Variants in PTPRD observed in about 807,000 individuals in gnomAD.
PTPRD encodes receptor-type tyrosine-protein phosphatase delta.
A neutral mutation model predicts 214.5 loss-of-function variants in PTPRD; 34 were observed. The observed-to-expected ratio is 0.16, with a 90% CI of 0.12 to 0.21. The LOEUF is 0.21. Among genes scored for constraint, PTPRD ranks in the 10% least tolerant of loss-of-function variants. The pLI is 1.00. For missense variants in PTPRD, 2,545 were observed against 2,398.7 expected, an observed-to-expected ratio of 1.06 and a Z score of -1.27; for synonymous variants, 1,128 against 845.7, an observed-to-expected ratio of 1.33 and a Z score of -5.79.
intron 5 of PTPRD, among the ~76,000 whole-genome samples, chr9:9,775,008 T>G (rs974807236): frequency 1.3e-5 from 2 of 152,158 alleles, no homozygotes; most frequent in Non-Finnish European, 2.9e-5. Flanking sequence ...AAATGTAGCA[T>G]TAGTACCTGA....
chr9:9,981,323 G>A (rs10759119), intron 4 of PTPRD, among the ~76,000 whole-genome samples: 111,547 of 150,314 alleles, frequency 0.74, 42,097 homozygotes, highest in Middle Eastern at 0.88. Flanking sequence ...TAACATGTAG[G>A]TAAATTTAAA....
chr9:10,257,313 A>C (rs771750510), intron 3 of PTPRD, among the ~76,000 whole-genome samples: 1 of 152,160 alleles, frequency 6.6e-6, no homozygotes, highest in Non-Finnish European at 1.5e-5. Context: ...TGCTCCACTC[A>C]AATCTTTATG....
chr9:9,338,759 G>T (rs1433178517), intron 9 of PTPRD, among the ~76,000 whole-genome samples: 3 of 151,984 alleles, frequency 2.0e-5, no homozygotes, highest in Non-Finnish European at 4.4e-5. Flanking sequence ...TTGTTACATA[G>T]GTATACACAT....
At chr9:8,663,041 T>C (rs894103281) in intron 12 of PTPRD, among the ~76,000 whole-genome samples, 2 of 152,192 alleles carry the variant, frequency 1.3e-5, no homozygotes, top group Non-Finnish European at 2.9e-5. Context: ...ATAATTAGTC[T>C]GTTAGCAATG....
At chr9:8,733,149 C>T (rs562530509) in intron 12 of PTPRD, among the ~76,000 whole-genome samples, 1 of 152,116 alleles carries the variant, frequency 6.6e-6, no homozygotes, top group South Asian at 2.1e-4. Context: ...GTTAATGGAC[C>T]ACAATAGCAG....
intron 6 of PTPRD, among the ~76,000 whole-genome samples, chr9:9,745,590 A>AT (rs2098449484): frequency 6.6e-6 from 1 of 152,128 alleles, no homozygotes; most frequent in Admixed American, 6.6e-5. Flanking sequence ...TCAAAAAAAA[A>AT]TTTAACTATT....
intron 10 of PTPRD, among the ~76,000 whole-genome samples, chr9:9,103,601 C>G (rs1345626475): frequency 6.6e-6 from 1 of 151,822 alleles, no homozygotes; most frequent in Non-Finnish European, 1.5e-5. Context: ...TTAGCGTATC[C>G]TTTGCTTCCA....
chr9:10,123,822 G>C (rs1186165510), intron 3 of PTPRD, among the ~76,000 whole-genome samples: 1 of 152,172 alleles, frequency 6.6e-6, no homozygotes, highest in Non-Finnish European at 1.5e-5. Context: ...TACACTGTTA[G>C]GTGAGCTGGC....
chr9:10,296,169 A>C (rs1383968949), intron 3 of PTPRD, among the ~76,000 whole-genome samples: 2 of 152,084 alleles, frequency 1.3e-5, no homozygotes, highest in Admixed American at 1.3e-4. Flanking sequence ...TTTTCTATTC[A>C]ATTGCATTCT....
chr9:8,710,734 A>G (rs1240971424), intron 12 of PTPRD, among the ~76,000 whole-genome samples: 1 of 152,194 alleles, frequency 6.6e-6, no homozygotes, highest in African/African-American at 2.4e-5. Context: ...ATTTTATATC[A>G]GAAATAATAA....
At chr9:9,274,105 G>T (rs551098449) in intron 9 of PTPRD, among the ~76,000 whole-genome samples, 1 of 150,890 alleles carries the variant, frequency 6.6e-6, no homozygotes, top group African/African-American at 2.4e-5. Context: ...TCTTTCACTT[G>T]GATGTCCTCC....
At chr9:9,473,972 G>C (rs1274200515) in intron 8 of PTPRD, among the ~76,000 whole-genome samples, 1 of 151,814 alleles carries the variant, frequency 6.6e-6, no homozygotes, top group Non-Finnish European at 1.5e-5. Context: ...GTTTGATATA[G>C]TCCATTTGTC....
intron 11 of PTPRD, among the ~76,000 whole-genome samples, chr9:8,772,221 T>G (rs1229216265): frequency 6.6e-6 from 1 of 152,158 alleles, no homozygotes. Context: ...TTTATTGTGA[T>G]GGTTTCAAGT....
intron 14 of PTPRD, among the ~76,000 whole-genome samples, chr9:8,543,986 A>C (rs1358880770): frequency 2.0e-5 from 3 of 152,068 alleles, no homozygotes; most frequent in African/African-American, 7.2e-5. Context: ...TTGAGGTTAC[A>C]GGCATGAGCC....
At chr9:9,111,337 A>G (rs1392102302) in intron 10 of PTPRD, among the ~76,000 whole-genome samples, 1 of 151,046 alleles carries the variant, frequency 6.6e-6, no homozygotes, top group Non-Finnish European at 1.5e-5. Flanking sequence ...TGACTGTTCA[A>G]TGATCACCTT....
chr9:8,985,410 C>G (rs1442840393), intron 11 of PTPRD, among the ~76,000 whole-genome samples: 2 of 152,034 alleles, frequency 1.3e-5, no homozygotes, highest in East Asian at 3.9e-4. Flanking sequence ...CCACGACCAA[C>G]ATAGATCCAT....
chr9:8,540,175 G>A (rs2078041394), intron 14 of PTPRD, among the ~76,000 whole-genome samples: 1 of 152,068 alleles, frequency 6.6e-6, no homozygotes, highest in South Asian at 2.1e-4. Flanking sequence ...GAAGTAAACT[G>A]TTATAATTAA....
chr9:8,474,149 C>T (rs1294548442), intron 30 of PTPRD, among the ~76,000 whole-genome samples: 4 of 152,122 alleles, frequency 2.6e-5, no homozygotes, highest in African/African-American at 7.2e-5. Context: ...GGCTTCCCAT[C>T]GCTTCCTGCA....
intron 11 of PTPRD, among the ~76,000 whole-genome samples, chr9:8,980,015 C>A (rs1036699147): frequency 6.6e-6 from 1 of 151,986 alleles, no homozygotes; most frequent in African/African-American, 2.4e-5. Context: ...TGTACACACA[C>A]ACACACATAC....
Sources: gnomAD v4.1 joint callset for allele counts (sites outside exome capture counted in the v4.1 genomes callset) on GRCh38, gnomAD v4.1.1 for gene constraint, MANE v1.5 for transcripts, NCBI Gene and HGNC (gene_info 2026-07-23, HGNC 2026-07-21) for gene names.